Variants in TMEM132B observed in about 807,000 individuals in gnomAD.
The protein encoded by TMEM132B is transmembrane protein 132B.
TMEM132B carries 18 observed loss-of-function variants against 90.8 expected under a neutral mutation model. That is an observed-to-expected ratio of 0.20 (90% CI 0.14 to 0.29). TMEM132B has a LOEUF of 0.29. Among genes scored for constraint, TMEM132B ranks in the 10% least tolerant of loss-of-function variants. The pLI, the probability that TMEM132B is intolerant of heterozygous loss-of-function variation, is 1.00. For missense variants in TMEM132B, 1,096 were observed against 1,326.8 expected, an observed-to-expected ratio of 0.83 and a Z score of 2.70; for synonymous variants, 504 against 523.3, an observed-to-expected ratio of 0.96 and a Z score of 0.50.
chr12:125,452,556 A>G (rs148670904), intron 3 of TMEM132B, among the ~76,000 whole-genome samples: 2 of 152,364 alleles, frequency 1.3e-5, no homozygotes, highest in African/African-American at 4.8e-5. Flanking sequence ...GAGCAGCCAC[A>G]GTTTTCCAAA....
At chr12:125,378,952 T>G (rs1001872685) in intron 2 of TMEM132B, among the ~76,000 whole-genome samples, 4 of 152,116 alleles carry the variant, frequency 2.6e-5, no homozygotes, top group Admixed American at 2.6e-4. Flanking sequence ...CTCATGTGTA[T>G]AGCCCCCACC....
intron 3 of TMEM132B, among the ~76,000 whole-genome samples, chr12:125,513,334 G>A (rs12309359): frequency 6.7e-6 from 1 of 148,684 alleles, no homozygotes; most frequent in South Asian, 2.2e-4. Flanking sequence ...GTGCGTGTGC[G>A]TGTGCCTGTG....
At chr12:125,237,960 A>G (rs1462028796) in intron 1 of TMEM132B, among the ~76,000 whole-genome samples, 5 of 152,222 alleles carry the variant, frequency 3.3e-5, no homozygotes, top group Non-Finnish European at 5.9e-5. Flanking sequence ...CTTCAGGAGC[A>G]GACTCGATGT....
Position 125,490,761 on chromosome 12 carries a change from C to T in TMEM132B, c.1107-28678C>T, listed in dbSNP as rs12309221. Among the ~76,000 whole-genome samples the T allele has an allele frequency of 0.023, 3,452 of 152,266 alleles. 143 individuals are homozygous for T. The highest frequency in any genetic ancestry group is 0.077 in the African/African-American group (3,186 of 41,520). On this transcript the variant is annotated intron_variant, in intron 3 of 8. Transcript: ENST00000682704. The surrounding 1 kb of genome is among the most constrained non-coding windows in gnomAD (Gnocchi z 4.2). ...GATTACAGGTGTGAGCCACCGCGCCCGGCCAATTTCTTTCCTTTTGAGTGT... is the reference window on the plus strand; with the variant it reads ...GATTACAGGTGTGAGCCACCGCGCCTGGCCAATTTCTTTCCTTTTGAGTGT...
chr12:125,469,026 G>A (rs1250377212), intron 3 of TMEM132B, among the ~76,000 whole-genome samples: 2 of 152,206 alleles, frequency 1.3e-5, no homozygotes. Context: ...CCTGTGAACA[G>A]AGATAATTTT....
At chr12:125,231,138 A>G (rs1404960871) in intron 1 of TMEM132B, among the ~76,000 whole-genome samples, 1 of 151,936 alleles carries the variant, frequency 6.6e-6, no homozygotes, top group African/African-American at 2.4e-5. Context: ...GGCTTCTGGC[A>G]ATCCTTGGCG....
At chr12:125,537,162 A>C (rs1225488966) in intron 4 of TMEM132B, among the ~76,000 whole-genome samples, 2 of 152,226 alleles carry the variant, frequency 1.3e-5, no homozygotes, top group Admixed American at 6.5e-5. Context: ...TGGGGAACCC[A>C]CATATACAAA....
Position 125,492,205 on chromosome 12 carries a change from G to A in TMEM132B, c.1107-27234G>A, listed in dbSNP as rs1449470620. Among the ~76,000 whole-genome samples, 1 of 152,146 alleles carries A rather than the reference G, an allele frequency of 6.6e-6. No homozygotes were observed. Among genetic ancestry groups the A allele is most frequent in the African/African-American group, 2.4e-5 (1 of 41,432 alleles). On this transcript the variant is annotated intron_variant, in intron 3 of 8. Transcript: ENST00000682704. The surrounding 1 kb of genome is among the most constrained non-coding windows in gnomAD (Gnocchi z 5.8). ...GAAATGGGGTACTGGGGCGCATAAG[G>A]GGCTCGCTGGCCACTTGTGCAAATG...
At chr12:125,568,351 G>A (rs984464641) in intron 4 of TMEM132B, among the ~76,000 whole-genome samples, 3 of 152,136 alleles carry the variant, frequency 2.0e-5, no homozygotes, top group Admixed American at 2.0e-4. Flanking sequence ...AGGTAAATGG[G>A]GTATCCATCC....
chr12:125,290,481 T>C (rs1463908424), intron 1 of TMEM132B, among the ~76,000 whole-genome samples: 2 of 152,242 alleles, frequency 1.3e-5, no homozygotes, highest in East Asian at 3.8e-4. Context: ...GCAATTTTTC[T>C]TAAGTTTGCT....
intron 2 of TMEM132B, among the ~76,000 whole-genome samples, chr12:125,356,891 T>G (rs1877791968): frequency 6.6e-6 from 1 of 152,236 alleles, no homozygotes; most frequent in South Asian, 2.1e-4. Context: ...CCACTGGGCC[T>G]CTTGCCCTGT....
chr12:125,296,655 C>T (rs1875679785), intron 1 of TMEM132B, among the ~76,000 whole-genome samples: 1 of 152,246 alleles, frequency 6.6e-6, no homozygotes. Context: ...TGCCGTATCT[C>T]AAATGCTCGG....
intron 1 of TMEM132B, among the ~76,000 whole-genome samples, chr12:125,268,663 A>G (rs1184701150): frequency 6.6e-6 from 1 of 152,248 alleles, no homozygotes; most frequent in East Asian, 1.9e-4. Context: ...TGCAAGGTTC[A>G]TGAGAAACTG....
At chr12:125,557,011 C>T (rs1884405800) in intron 4 of TMEM132B, among the ~76,000 whole-genome samples, 1 of 152,062 alleles carries the variant, frequency 6.6e-6, no homozygotes, top group African/African-American at 2.4e-5. Context: ...GAAAAACGAC[C>T]CTCTCTTTAA....
At position 125,654,069 on chromosome 12, in the gene TMEM132B, C is replaced by T. The variant is rs1346036954; in HGVS notation, c.2611C>T (p.Pro871Ser). The T allele has an allele frequency of 6.2e-7, 1 of 1,614,022 alleles. No individual in the cohort carries two copies. The highest frequency in any genetic ancestry group is 8.5e-7 in the Non-Finnish European group (1 of 1,180,036). The change falls in exon 9 of 9, where the codon CCA becomes TCA. Residue 871 changes from proline (P) to serine (S), a missense_variant. Physicochemically the swap from Pro to Ser is moderately conservative, Grantham distance 74 (BLOSUM62 -1). Coordinates refer to ENST00000682704, the MANE Select transcript of TMEM132B (RefSeq NM_001366854.1). This position sits in a 1 kb window ranked among gnomAD's most constrained non-coding sequence, Gnocchi z 5.8. Reference sequence around the variant, plus strand: ...GAATAAGTTACTCAAAAGTGGTGGTCCAGATGCCTTTACAAGCTTCCCCAC... The same window carrying T: ...GAATAAGTTACTCAAAAGTGGTGGTTCAGATGCCTTTACAAGCTTCCCCAC... The part of the protein sequence containing the change: ...GKNKLLKSGG[P>S]DAFTSFPTQG...
chr12:125,347,087 A>G (rs116486044), intron 1 of TMEM132B, among the ~76,000 whole-genome samples: 1,562 of 152,270 alleles, frequency 0.01, 36 homozygotes, highest in African/African-American at 0.036. Context: ...TTCCTAGGTG[A>G]ATTCCTGGGA....
intron 1 of TMEM132B, among the ~76,000 whole-genome samples, chr12:125,220,785 A>G (rs1873539780): frequency 6.6e-6 from 1 of 152,156 alleles, no homozygotes; most frequent in African/African-American, 2.4e-5. Context: ...AAGCTGCTAA[A>G]TCAGTTCACA....
intron 5 of TMEM132B, among the ~76,000 whole-genome samples, chr12:125,588,770 C>T (rs1593008186): frequency 6.6e-6 from 1 of 152,126 alleles, no homozygotes; most frequent in Admixed American, 6.5e-5. Flanking sequence ...GATGAGTAAC[C>T]TTTGGGCGCA....
At chr12:125,269,778 G>A (rs963628248) in intron 1 of TMEM132B, among the ~76,000 whole-genome samples, 2 of 152,086 alleles carry the variant, frequency 1.3e-5, no homozygotes, top group African/African-American at 4.8e-5. Flanking sequence ...TCATATACAA[G>A]CGCAGAAATA....
Sources: gnomAD v4.1 joint callset for allele counts (sites outside exome capture counted in the v4.1 genomes callset) on GRCh38, gnomAD v4.1.1 for gene constraint, Gnocchi (gnomAD v3.1) non-coding constraint, MANE v1.5 for transcripts, NCBI Gene and HGNC (gene_info 2026-07-23, HGNC 2026-07-21) for gene names.